UBA6: variants seen among roughly 807,000 people sequenced by gnomAD.
The protein encoded by UBA6 is ubiquitin like modifier activating enzyme 6.
A neutral mutation model predicts 148.3 loss-of-function variants in UBA6; 87 were observed. The ratio of observed to expected loss-of-function variants is 0.59; its 90% confidence interval spans 0.49 to 0.70. UBA6 has a LOEUF of 0.70. Among genes scored for constraint, UBA6 ranks in the 30% least tolerant of loss-of-function variants. The pLI, the probability that UBA6 is intolerant of heterozygous loss-of-function variation, is 0.00. For synonymous variants in UBA6, 376 were observed against 401.0 expected, an observed-to-expected ratio of 0.94 and a Z score of 0.75; for missense variants, 1,186 against 1,241.2, an observed-to-expected ratio of 0.96 and a Z score of 0.67.
chr4:67,687,509 G>A (rs1003851869), intron 2 of UBA6, among the ~76,000 whole-genome samples: 1 of 152,126 alleles, frequency 6.6e-6, no homozygotes, highest in Non-Finnish European at 1.5e-5. Flanking sequence ...TCTCTAACAA[G>A]TAGATATTTG....
At position 67,616,078 on chromosome 4, in the gene UBA6, A is replaced by G. The variant is rs1024179697; in HGVS notation, c.*2919T>C. The G allele has an allele frequency of 3.0e-5, 12 of 394,916 alleles. No homozygotes were observed. The highest frequency in any genetic ancestry group is 2.3e-4 in the African/African-American group (11 of 48,498). 24.5% of individuals were successfully genotyped at this position (394,916 alleles called of 1,614,324 possible). On this transcript the variant is annotated 3_prime_UTR_variant, in exon 33 of 33. Transcript: ENST00000322244. ...TGAAAAATATATATTTCTCAATAAA[A>G]AAACAAAGTTATGACATAGAGCAAA...
intron 16 of UBA6, 123 bp downstream of exon 16, chr4:67,645,815 G>T: frequency 2.3e-6 from 1 of 441,228 alleles, no homozygotes. Context: ...TAGGCTGCAA[G>T]GTCTCAGTTA....
Position 67,692,180 on chromosome 4 carries a change from T to C in UBA6, c.134+4465A>G, listed in dbSNP as rs186486483. On this transcript the variant is annotated intron_variant, in intron 2 of 32. Coordinates refer to ENST00000322244, the MANE Select transcript of UBA6 (RefSeq NM_018227.6). ...TTTGATAACTTTAGAAAGAGGTTTGTCTTAAAAAAAAGTCAGACACAACAT... is the reference window on the plus strand; with the variant it reads ...TTTGATAACTTTAGAAAGAGGTTTGCCTTAAAAAAAAGTCAGACACAACAT... Among the ~76,000 whole-genome samples, 321 of 152,144 alleles carry C rather than the reference T, an allele frequency of 2.1e-3. 2 individuals are homozygous for C. Among genetic ancestry groups the C allele is most frequent in the African/African-American group, 7.2e-3 (299 of 41,526 alleles).
In UBA6 at chr4:67,612,886, G is replaced by T. The variant is rs577794855; in HGVS notation, c.*6111C>A. On this transcript the variant is annotated 3_prime_UTR_variant, in exon 33 of 33. Coordinates refer to ENST00000322244, the MANE Select transcript of UBA6 (RefSeq NM_018227.6). Reference sequence around the variant, plus strand: ...ACCATGCCAATAATATCTGAGAAAAGATAGAAATTCAGAAAAATGAACCAT... The same window carrying T: ...ACCATGCCAATAATATCTGAGAAAATATAGAAATTCAGAAAAATGAACCAT... The T allele has an allele frequency of 6.6e-6, 1 of 152,198 alleles. No individual in the cohort carries two copies. The highest frequency in any genetic ancestry group is 6.5e-5 in the Admixed American group (1 of 15,284). The allele number at this position is 152,198 out of a possible 1,614,324, so 9.4% of individuals were successfully genotyped here. A position where few individuals can be genotyped will look rare whatever the true frequency, so the allele number is the denominator to read the frequency against.
At chr4:67,622,433 T>C (rs1728772154) in intron 32 of UBA6, among the ~76,000 whole-genome samples, 1 of 152,250 alleles carries the variant, frequency 6.6e-6, no homozygotes, top group Non-Finnish European at 1.5e-5. Context: ...GAAAGAACTT[T>C]GGTTTGCTAA....
rs1248042890 is a variant in UBA6, at chr4:67,617,132, C to T, written c.*1865G>A. On this transcript the variant is annotated 3_prime_UTR_variant, in exon 33 of 33. Transcript: ENST00000322244. Reference sequence around the variant, plus strand: ...ATCTATAAATATGAACTGACAGCATCGTTCTAAATTTACTTCTGAAGAGCT... The same window carrying T: ...ATCTATAAATATGAACTGACAGCATTGTTCTAAATTTACTTCTGAAGAGCT... 2.0e-5 allele frequency: 3 copies of T among 152,152 alleles called. No homozygotes were observed. The highest frequency in any genetic ancestry group is 3.4e-3 in the Middle Eastern group (1 of 294). The allele number at this position is 152,152 out of a possible 1,614,324, so 9.4% of individuals were successfully genotyped here.
rs576879514 is a variant in UBA6, at chr4:67,629,067, A to T, written c.2400+4T>A. On this transcript the variant is annotated splice_donor_region_variant and intron_variant, in intron 27 of 32. Transcript: ENST00000322244. ...TTGCTGAATGAATGATTTTTTAAACATACCTTATTGGAAGGCTTGAATTCC... is the reference window on the plus strand; with the variant it reads ...TTGCTGAATGAATGATTTTTTAAACTTACCTTATTGGAAGGCTTGAATTCC... The T allele has an allele frequency of 1.9e-5, 30 of 1,597,008 alleles. No homozygotes were observed. The highest frequency in any genetic ancestry group is 2.5e-5 in the Non-Finnish European group (29 of 1,165,268).
At position 67,618,727 on chromosome 4, in the gene UBA6, C is replaced by G. The variant is rs2109890111; in HGVS notation, c.*270G>C. The G allele has an allele frequency of 3.4e-6, 1 of 292,444 alleles. No homozygotes were observed. Among genetic ancestry groups the G allele is most frequent in the South Asian group, 1.1e-4 (1 of 8,808 alleles). 18.1% of individuals were successfully genotyped at this position (292,444 alleles called of 1,614,324 possible). A position where few individuals can be genotyped will look rare whatever the true frequency, so the allele number is the denominator to read the frequency against. ...TTCTTTTTATCCAGAGAGATTAATA[C>G]ACAGATTAATACACAAAACTTTTGT... On this transcript the variant is annotated 3_prime_UTR_variant, in exon 33 of 33. Transcript: ENST00000322244.
intron 17 of UBA6, 104 bp from the exon 18 acceptor site, chr4:67,641,332 A>C: frequency 1.4e-6 from 1 of 697,006 alleles, no homozygotes; most frequent in Non-Finnish European, 2.5e-6. Context: ...ATTCTAAATT[A>C]GTCTGGTTGG....
chr4:67,687,386 C>A (rs1044842232), intron 2 of UBA6, among the ~76,000 whole-genome samples: 11 of 152,040 alleles, frequency 7.2e-5, no homozygotes, highest in African/African-American at 2.7e-4. Flanking sequence ...ACATGAGAAA[C>A]TGTGTAAAAG....
chr4:67,693,689 A>G (rs557909004), intron 2 of UBA6, among the ~76,000 whole-genome samples: 33 of 152,334 alleles, frequency 2.2e-4, no homozygotes, highest in African/African-American at 7.7e-4. Flanking sequence ...TTGTACTATG[A>G]GACAAAATGG....
chr4:67,662,134 A>T, intron 13 of UBA6, 55 bp downstream of exon 13: 1 of 1,530,292 alleles, frequency 6.5e-7, no homozygotes, highest in South Asian at 1.1e-5. Context: ...TAATATACAG[A>T]ACACTTATGT....
chr4:67,634,842 T>C (rs1246583347), intron 20 of UBA6, among the ~76,000 whole-genome samples: 2 of 152,126 alleles, frequency 1.3e-5, no homozygotes, highest in Non-Finnish European at 2.9e-5. Flanking sequence ...TTTAAAGTTT[T>C]ATAACACTGC....
chr4:67,699,460 T>C (rs1482041577), intron 1 of UBA6, among the ~76,000 whole-genome samples: 1 of 152,144 alleles, frequency 6.6e-6, no homozygotes, highest in Non-Finnish European at 1.5e-5. Flanking sequence ...CGGATAGCTA[T>C]TAAAAAAACT....
At chr4:67,648,953 C>T in intron 14 of UBA6, 115 bp downstream of exon 14, 1 of 1,069,482 alleles carries the variant, frequency 9.4e-7, no homozygotes, top group Non-Finnish European at 1.3e-6. Flanking sequence ...GCATCTCTTT[C>T]ATGCATCAAA....
At chr4:67,699,706 A>C (rs1730928176) in intron 1 of UBA6, among the ~76,000 whole-genome samples, 1 of 152,038 alleles carries the variant, frequency 6.6e-6, no homozygotes, top group South Asian at 2.1e-4. Flanking sequence ...GACTCAAGCG[A>C]TCCTCTCATC....
intron 14 of UBA6, among the ~76,000 whole-genome samples, chr4:67,648,206 C>T (rs1172124461): frequency 6.6e-6 from 1 of 151,664 alleles, no homozygotes; most frequent in African/African-American, 2.4e-5. Flanking sequence ...CAGTGGCTCA[C>T]GCCTGTAATC....
rs1298627478 is a variant in UBA6 at position 67,639,078 on chromosome 4, G to A, written c.1601C>T (p.Ser534Phe). 2.5e-6 allele frequency: 4 copies of A among 1,613,070 alleles called. No individual in the cohort carries two copies. Among genetic ancestry groups the A allele is most frequent in the South Asian group, 1.1e-5 (1 of 91,012 alleles). ...TAADATLKIN[S>F]QIKIDAHLNK... ...CAGGTGTGCATCTATCTTTATTTGA[G>A]AATTTATTTTCAGAGTAGCATCAGC... Residue 534 changes from serine (S) to phenylalanine (F), a missense_variant, in exon 19 of 33, where the codon TCT becomes TTT. Physicochemically the swap from Ser to Phe is radical, Grantham distance 155. Transcript: ENST00000322244.
chr4:67,647,787 T>C (rs186604667), intron 14 of UBA6, among the ~76,000 whole-genome samples: 1,884 of 150,902 alleles, frequency 0.012, 41 homozygotes, highest in African/African-American at 0.042. Context: ...TTTTTTTTTT[T>C]TTTTGAGACA....
Sources: gnomAD v4.1 joint callset for allele counts (sites outside exome capture counted in the v4.1 genomes callset) on GRCh38, gnomAD v4.1.1 for gene constraint, MANE v1.5 for transcripts, NCBI Gene and HGNC (gene_info 2026-07-23, HGNC 2026-07-21) for gene names.